Variants in CNOT2 observed in about 807,000 individuals in gnomAD.
CNOT2 encodes CC chemokine receptor 4-negative regulator of transcription 2.
In CNOT2, 7 loss-of-function variants were observed where a neutral mutation model predicts 72.1. That is an observed-to-expected ratio of 0.10 (90% CI 0.06 to 0.18). The LOEUF is 0.18. CNOT2 is among the 10% of genes least tolerant of loss of function. The pLI, the probability that CNOT2 is intolerant of heterozygous loss-of-function variation, is 1.00. For missense variants in CNOT2, 345 were observed against 660.3 expected, an observed-to-expected ratio of 0.52 and a Z score of 5.23; for synonymous variants, 196 against 225.6, an observed-to-expected ratio of 0.87 and a Z score of 1.17.
intron 11 of CNOT2, 154 bp from the exon 12 acceptor site, chr12:70,341,953 G>A (rs7312892): frequency 0.22 from 145,213 of 645,480 alleles, 17,228 homozygotes; most frequent in Admixed American, 0.35. Context: ...AACACACACA[G>A]TCTTCATTTG....
At chr12:70,329,970 G>A (rs1879682114) in intron 5 of CNOT2, among the ~76,000 whole-genome samples, 2 of 151,980 alleles carry the variant, frequency 1.3e-5, no homozygotes, top group Admixed American at 1.3e-4. Flanking sequence ...TTAGTATGCA[G>A]AGGATAGAAC....
intron 2 of CNOT2, among the ~76,000 whole-genome samples, chr12:70,294,499 A>T (rs957624678): frequency 2.3e-4 from 35 of 152,340 alleles, no homozygotes; most frequent in African/African-American, 8.4e-4. Context: ...TGAAATAAGA[A>T]AAAAACCTTA....
chr12:70,249,905 G>T (rs2135696697), intron 1 of CNOT2, among the ~76,000 whole-genome samples: 1 of 152,070 alleles, frequency 6.6e-6, no homozygotes, highest in African/African-American at 2.4e-5. Context: ...ATGCTTTAGG[G>T]GTGTAGTTTT....
chr12:70,296,879 A>G (rs79713107), intron 2 of CNOT2, among the ~76,000 whole-genome samples: 11,798 of 152,162 alleles, frequency 0.078, 573 homozygotes, highest in Admixed American at 0.15. Context: ...AAACAAAAAT[A>G]TCTTTGTTAA....
At chr12:70,295,014 G>A (rs1042231705) in intron 2 of CNOT2, among the ~76,000 whole-genome samples, 1 of 152,120 alleles carries the variant, frequency 6.6e-6, no homozygotes, top group Non-Finnish European at 1.5e-5. Context: ...CCTTGCACTG[G>A]AAATCATGAT....
intron 1 of CNOT2, among the ~76,000 whole-genome samples, chr12:70,276,610 C>A (rs1868854893): frequency 6.6e-6 from 1 of 151,926 alleles, no homozygotes; most frequent in East Asian, 1.9e-4. Context: ...TTTAACAATT[C>A]CTGAATATCC....
At chr12:70,254,632 G>A (rs1026412936) in intron 1 of CNOT2, among the ~76,000 whole-genome samples, 1 of 152,094 alleles carries the variant, frequency 6.6e-6, no homozygotes, top group Non-Finnish European at 1.5e-5. Context: ...TTTTTACCTG[G>A]TGATGCTGCT....
At chr12:70,312,175 T>C (rs1387335506) in intron 3 of CNOT2, among the ~76,000 whole-genome samples, 2 of 151,980 alleles carry the variant, frequency 1.3e-5, no homozygotes, top group African/African-American at 2.4e-5. Flanking sequence ...TTTTCTGTTA[T>C]CTTATTGCGC....
intron 9 of CNOT2, chr12:70,337,723 A>G (rs1565826739): frequency 1.7e-6 from 1 of 589,340 alleles, no homozygotes. Flanking sequence ...TTTCTGTTGA[A>G]CTTCTCAGAG....
intron 3 of CNOT2, among the ~76,000 whole-genome samples, chr12:70,317,162 A>G (rs1296012598): frequency 6.6e-6 from 1 of 152,128 alleles, no homozygotes; most frequent in Non-Finnish European, 1.5e-5. Context: ...CTATTAGGAA[A>G]ACCAGATTTT....
At chr12:70,326,899 G>A (rs1383799551) in intron 4 of CNOT2, among the ~76,000 whole-genome samples, 2 of 151,602 alleles carry the variant, frequency 1.3e-5, no homozygotes, top group Non-Finnish European at 2.9e-5. Flanking sequence ...TATTCCATAC[G>A]GTCTCTGTCC....
intron 4 of CNOT2, chr12:70,321,856 G>A (rs971265051): frequency 6.6e-6 from 1 of 151,662 alleles, no homozygotes; most frequent in African/African-American, 2.4e-5. Context: ...GCTAGATTTG[G>A]GTGGAAGTGA....
chr12:70,253,128 G>C (rs2135708115), intron 1 of CNOT2, among the ~76,000 whole-genome samples: 1 of 152,284 alleles, frequency 6.6e-6, no homozygotes, highest in South Asian at 2.1e-4. Flanking sequence ...TGTAGTACTT[G>C]GCAAAGCACA....
chr12:70,332,114 C>G (rs1880044033), intron 6 of CNOT2, among the ~76,000 whole-genome samples: 1 of 151,532 alleles, frequency 6.6e-6, no homozygotes, highest in Non-Finnish European at 1.5e-5. Flanking sequence ...GAAAGGTAAA[C>G]TATATTTAGA....
At chr12:70,341,822 T>C (rs1881543412) in intron 11 of CNOT2, among the ~76,000 whole-genome samples, 1 of 152,186 alleles carries the variant, frequency 6.6e-6, no homozygotes, top group Non-Finnish European at 1.5e-5. Context: ...TGAGTTGAAA[T>C]CAAGTAAAAG....
intron 2 of CNOT2, among the ~76,000 whole-genome samples, chr12:70,284,000 G>A (rs905472634): frequency 2.8e-5 from 4 of 141,770 alleles, no homozygotes; most frequent in Non-Finnish European, 4.6e-5. Flanking sequence ...GCAGTGGCGC[G>A]ATCGCTGGAG....
At chr12:70,324,980 T>C (rs1878861476) in intron 4 of CNOT2, among the ~76,000 whole-genome samples, 1 of 152,018 alleles carries the variant, frequency 6.6e-6, no homozygotes, top group Non-Finnish European at 1.5e-5. Context: ...AGACTCACTC[T>C]ATTCCCAAGT....
intron 2 of CNOT2, chr12:70,290,916 G>A (rs1371305014): frequency 1.3e-5 from 2 of 152,080 alleles, no homozygotes; most frequent in African/African-American, 2.4e-5. Context: ...ATTCAGATAA[G>A]GCTTGGATGC....
chr12:70,271,472 C>T lies in CNOT2; in HGVS notation c.-95-6660C>T, dbSNP rs560695365. Among the ~76,000 whole-genome samples the T allele has an allele frequency of 8.9e-5, 13 of 146,440 alleles. No homozygotes were observed. In the South Asian group the frequency reaches 2.6e-3, roughly 30 times the overall value. On this transcript the variant is annotated intron_variant, in intron 1 of 15. Coordinates refer to ENST00000229195, the MANE Select transcript of CNOT2 (RefSeq NM_014515.7). Reference sequence around the variant, plus strand: ...CACTGCAACCTCTACCTCCCAGGTTCAAGCGATTTTACTGCTTCTGCCTCC... The same window carrying T: ...CACTGCAACCTCTACCTCCCAGGTTTAAGCGATTTTACTGCTTCTGCCTCC...
Sources: gnomAD v4.1 joint callset for allele counts (sites outside exome capture counted in the v4.1 genomes callset) on GRCh38, gnomAD v4.1.1 for gene constraint, MANE v1.5 for transcripts, NCBI Gene and HGNC (gene_info 2026-07-23, HGNC 2026-07-21) for gene names.